The following WDR64 variants were observed in gnomAD, a reference collection of about 807,000 sequenced individuals.
The protein encoded by WDR64 is WD repeat domain 64, also known as WD repeat-containing protein 64.
In WDR64, 112 loss-of-function variants were observed where a neutral mutation model predicts 139.3. That is an observed-to-expected ratio of 0.80 (90% CI 0.69 to 0.94). The LOEUF (loss-of-function observed/expected upper bound fraction) is 0.94, where lower values mean the gene tolerates loss of function less well. Ranked by LOEUF, WDR64 falls within the 40% of genes least tolerant of loss-of-function variation. The probability of loss-of-function intolerance (pLI) is 0.00; values close to 1 mark genes in which losing one functional copy is unlikely to be tolerated. For missense variants in WDR64, 1,206 were observed against 1,293.1 expected, an observed-to-expected ratio of 0.93 and a Z score of 1.03; for synonymous variants, 444 against 437.7, an observed-to-expected ratio of 1.01 and a Z score of -0.18.
At chr1:241,771,718 C>T in intron 19 of WDR64, 21 bp downstream of exon 19, 1 of 1,426,874 alleles carries the variant, frequency 7.0e-7, no homozygotes. Flanking sequence ...AATCACCTCT[C>T]TTCTTTATAA....
chr1:241,756,367 A>G (rs910478073), intron 14 of WDR64, among the ~76,000 whole-genome samples: 4 of 151,886 alleles, frequency 2.6e-5, no homozygotes, highest in African/African-American at 9.7e-5. Flanking sequence ...CTGTTTGTCT[A>G]TTGCTGGTGT....
intron 2 of WDR64, among the ~76,000 whole-genome samples, chr1:241,664,131 T>G (rs891029153): frequency 6.6e-6 from 1 of 152,244 alleles, no homozygotes; most frequent in African/African-American, 2.4e-5. Flanking sequence ...TTGTTTTGTT[T>G]TTTGTTCCAG....
intron 27 of WDR64, 133 bp from the exon 28 acceptor site, chr1:241,800,999 A>T (rs1659507433): frequency 1.2e-5 from 8 of 679,794 alleles, no homozygotes; most frequent in Non-Finnish European, 1.8e-5. Context: ...TAGGATTGTT[A>T]AGTAAATAAC....
At chr1:241,717,381 G>A (rs747155066) in intron 9 of WDR64, among the ~76,000 whole-genome samples, 2 of 152,070 alleles carry the variant, frequency 1.3e-5, no homozygotes, top group East Asian at 1.9e-4. Flanking sequence ...AGCTGAGACT[G>A]AATCAGTTCT....
intron 8 of WDR64, among the ~76,000 whole-genome samples, chr1:241,708,715 T>TC (rs1668055786): frequency 1.4e-5 from 2 of 139,310 alleles, no homozygotes; most frequent in African/African-American, 5.3e-5. Context: ...TTTTTTTGTT[T>TC]TTTTTTTTAA....
intron 16 of WDR64, 91 bp from the exon 17 acceptor site, chr1:241,769,313 T>G: frequency 1.0e-6 from 1 of 953,678 alleles, no homozygotes; most frequent in Non-Finnish European, 1.6e-6. Context: ...ATTTGAGGAA[T>G]TGCCTAGCTC....
Position 241,692,402 on chromosome 1 carries a change from A to T in WDR64, c.974+4807A>T, listed in dbSNP as rs144906268. Among the ~76,000 whole-genome samples the T allele has an allele frequency of 3.4e-4, 52 of 152,390 alleles. 1 individual carries two copies. The East Asian group carries it at 9.6e-3, about 28-fold the overall frequency. On this transcript the variant is annotated intron_variant, in intron 8 of 27. Coordinates refer to ENST00000437684, the MANE Select transcript of WDR64 (RefSeq NM_001367482.1). ...CTGACAAGTCAAGACATAAAGCTAT[A>T]GTAATAAAGATAGTGCGGTATTGTA...
intron 13 of WDR64, among the ~76,000 whole-genome samples, chr1:241,748,094 G>T (rs1350770574): frequency 1.3e-5 from 2 of 152,162 alleles, no homozygotes; most frequent in Admixed American, 1.3e-4. Context: ...GCCACAGAAA[G>T]TCCCACCAGC....
At chr1:241,771,350 G>A (rs1261565465) in intron 18 of WDR64, among the ~76,000 whole-genome samples, 1 of 152,114 alleles carries the variant, frequency 6.6e-6, no homozygotes, top group Non-Finnish European at 1.5e-5. Flanking sequence ...GAATAATAAA[G>A]ATGAAGTTGC....
At chr1:241,758,806 C>T (rs200708382) in intron 15 of WDR64, among the ~76,000 whole-genome samples, 1 of 152,042 alleles carries the variant, frequency 6.6e-6, no homozygotes, top group East Asian at 1.9e-4. Context: ...ATCTAAAATC[C>T]ACTGTTTCTC....
At chr1:241,753,070 T>C (rs1670038312) in intron 14 of WDR64, among the ~76,000 whole-genome samples, 2 of 152,144 alleles carry the variant, frequency 1.3e-5, no homozygotes, top group Admixed American at 1.3e-4. Context: ...AACATGGATA[T>C]GAAGTAACAG....
intron 8 of WDR64, among the ~76,000 whole-genome samples, chr1:241,710,989 C>A (rs1668140749): frequency 6.6e-6 from 1 of 152,206 alleles, no homozygotes; most frequent in Non-Finnish European, 1.5e-5. Context: ...GTAGTCCCTG[C>A]ACTTTGGGAG....
At chr1:241,700,294 T>C (rs765193426) in intron 8 of WDR64, among the ~76,000 whole-genome samples, 17 of 150,952 alleles carry the variant, frequency 1.1e-4, no homozygotes, top group Non-Finnish European at 3.0e-5. Context: ...GAATATCTGT[T>C]CTCTCTCTGT....
chr1:241,678,860 G>GAAAAAAAAAAAA (rs58075238), intron 5 of WDR64, among the ~76,000 whole-genome samples: 1 of 33,620 alleles, frequency 3.0e-5, no homozygotes, highest in Non-Finnish European at 4.9e-5. Context: ...TTCTTAAACT[G>GAAAAAAAAAAAA]AAAAAAAAAA....
At chr1:241,773,639 T>C (rs1401780177) in intron 20 of WDR64, among the ~76,000 whole-genome samples, 1 of 152,172 alleles carries the variant, frequency 6.6e-6, no homozygotes, top group Admixed American at 6.6e-5. Context: ...AGCTAATTTT[T>C]GTATTTTTAG....
chr1:241,773,337 C>A (rs1658530433), intron 20 of WDR64, among the ~76,000 whole-genome samples: 1 of 152,204 alleles, frequency 6.6e-6, no homozygotes, highest in Non-Finnish European at 1.5e-5. Flanking sequence ...TCACCTTTGG[C>A]ACACTGCTTC....
intron 20 of WDR64, among the ~76,000 whole-genome samples, chr1:241,773,622 C>T (rs1396309353): frequency 6.6e-6 from 1 of 152,132 alleles, no homozygotes; most frequent in Non-Finnish European, 1.5e-5. Context: ...CGTGTGCCAG[C>T]ACACCCAGCT....
intron 1 of WDR64, among the ~76,000 whole-genome samples, chr1:241,655,723 C>G (rs1198014724): frequency 1.1e-5 from 1 of 92,418 alleles, no homozygotes; most frequent in Non-Finnish European, 2.3e-5. Context: ...TTTTTTGATG[C>G]CTGTAAACTC....
chr1:241,711,701 C>A, intron 8 of WDR64, 101 bp from the exon 9 acceptor site: 1 of 1,235,684 alleles, frequency 8.1e-7, no homozygotes, highest in Non-Finnish European at 1.1e-6. Flanking sequence ...GGATTTACAA[C>A]CAACTTAGAA....
Sources: gnomAD v4.1 joint callset for allele counts (sites outside exome capture counted in the v4.1 genomes callset) on GRCh38, gnomAD v4.1.1 for gene constraint, MANE v1.5 for transcripts, NCBI Gene and HGNC (gene_info 2026-07-23, HGNC 2026-07-21) for gene names.